Variants in KLF12 observed in about 807,000 individuals in gnomAD.
KLF12 encodes the protein Krueppel-like factor 12.
A neutral mutation model predicts 37.8 loss-of-function variants in KLF12; 9 were observed. The ratio of observed to expected loss-of-function variants is 0.24; its 90% CI spans 0.14 to 0.42. The LOEUF is 0.42. Among genes scored for constraint, KLF12 ranks in the 10% least tolerant of loss-of-function variants. KLF12 has a pLI of 1.00. For synonymous variants in KLF12, 208 were observed against 202.1 expected, an observed-to-expected ratio of 1.03 and a Z score of -0.25; for missense variants, 411 against 516.0, an observed-to-expected ratio of 0.80 and a Z score of 1.97.
intron 5 of KLF12, among the ~76,000 whole-genome samples, chr13:73,803,363 T>C (rs1173092255): frequency 1.3e-5 from 2 of 152,206 alleles, no homozygotes; most frequent in East Asian, 3.8e-4. Context: ...CCTGGAATGC[T>C]CTTCCTTTAG....
At chr13:73,789,017 G>C (rs1881509655) in intron 5 of KLF12, among the ~76,000 whole-genome samples, 1 of 152,150 alleles carries the variant, frequency 6.6e-6, no homozygotes, top group Admixed American at 6.5e-5. Flanking sequence ...TTTTCTGCAA[G>C]TTGTAACAGT....
At chr13:73,867,696 A>G (rs1886248288) in intron 3 of KLF12, among the ~76,000 whole-genome samples, 1 of 152,134 alleles carries the variant, frequency 6.6e-6, no homozygotes, top group Admixed American at 6.5e-5. Flanking sequence ...GTACTTATGA[A>G]CTATTTACCA....
chr13:73,987,842 G>T (rs899557741), intron 2 of KLF12, among the ~76,000 whole-genome samples: 4 of 149,980 alleles, frequency 2.7e-5, no homozygotes, highest in Non-Finnish European at 5.9e-5. Context: ...AAGAGGAAGT[G>T]GGGGAAGAGG....
intron 1 of KLF12, among the ~76,000 whole-genome samples, chr13:74,123,821 T>TG (rs1877779269): frequency 1.3e-5 from 2 of 152,194 alleles, no homozygotes; most frequent in African/African-American, 4.8e-5. Flanking sequence ...AATTATGCAA[T>TG]GGGAAAAAAC....
At chr13:73,978,868 T>G (rs920113401) in intron 2 of KLF12, among the ~76,000 whole-genome samples, 2 of 152,158 alleles carry the variant, frequency 1.3e-5, no homozygotes, top group Non-Finnish European at 2.9e-5. Context: ...TGAAAAGACA[T>G]GAAGGAAACT....
intron 1 of KLF12, among the ~76,000 whole-genome samples, chr13:74,130,637 C>G (rs948211953): frequency 5.1e-5 from 5 of 97,278 alleles, no homozygotes; most frequent in Non-Finnish European, 9.6e-5. Flanking sequence ...CAGAGTGAGA[C>G]CTCAACTCAA....
rs397704620 is a variant in KLF12, at chr13:73,974,320, A to AAAAAAAAAAAAAAT, written c.33+20669_33+20670insATTTTTTTTTTTTT. Among the ~76,000 whole-genome samples the AAAAAAAAAAAAAAT allele has an allele frequency of 9.2e-4, 139 of 151,554 alleles. 4 individuals are homozygous for AAAAAAAAAAAAAAT. The East Asian group carries it at 0.019, about 21-fold the overall frequency. ...CACTGAACTTCAAGACAAAAAAAAA[A>AAAAAAAAAAAAAAT]GAATTCTGCAGGTGTTCAGGCAGAA... On this transcript the variant is annotated intron_variant, in intron 2 of 7. Transcript: ENST00000377669.
chr13:73,836,526 ATATG>A (rs1243700510), intron 4 of KLF12, among the ~76,000 whole-genome samples: 2 of 152,168 alleles, frequency 1.3e-5, no homozygotes, highest in Non-Finnish European at 2.9e-5. Context: ...ATGTTTTCAC[ATATG>A]TATGTATTTC....
chr13:74,188,294 A>T, the KLF12 span, among the ~76,000 whole-genome samples: 1 of 151,528 alleles, frequency 6.6e-6, no homozygotes, highest in African/African-American at 2.4e-5. Context: ...CTAGGTGTTG[A>T]GGATGTACCA....
At chr13:74,243,373 G>T in the KLF12 span, among the ~76,000 whole-genome samples, 1 of 152,090 alleles carries the variant, frequency 6.6e-6, no homozygotes, top group African/African-American at 2.4e-5. Context: ...ATTTGGGTTG[G>T]TTCTAAGTCT....
chr13:73,986,321 CTGCAAAA>C (rs1566494289), intron 2 of KLF12, among the ~76,000 whole-genome samples: 1 of 152,272 alleles, frequency 6.6e-6, no homozygotes, highest in East Asian at 1.9e-4. Flanking sequence ...CTTCATTTAG[CTGCAAAA>C]GTGATTTGAA....
chr13:73,715,393 C>T lies in KLF12; in HGVS notation c.1002G>A (p.Leu334=). The T allele has an allele frequency of 3.1e-6, 5 of 1,613,980 alleles. No homozygotes were observed. The highest frequency in any genetic ancestry group is 4.2e-6 in the Non-Finnish European group (5 of 1,179,928). ...CTGTATGTGTCCTCCGGTGAGCCTT[C>T]AGGTGAGAACTTTTTGTGTACACTT... Residue 334 remains leucine, a synonymous_variant, in exon 7 of 8, where the codon CTG becomes CTA. Coordinates refer to ENST00000377669, the MANE Select transcript of KLF12 (RefSeq NM_007249.5).
chr13:73,726,406 C>G (rs73529539), intron 6 of KLF12, among the ~76,000 whole-genome samples: 23,476 of 152,084 alleles, frequency 0.15, 3,020 homozygotes, highest in African/African-American at 0.35. Flanking sequence ...TTTTCATCAC[C>G]CCAAAAGAAA....
intron 6 of KLF12, among the ~76,000 whole-genome samples, chr13:73,732,771 T>C (rs1405092759): frequency 6.6e-6 from 1 of 152,096 alleles, no homozygotes; most frequent in Non-Finnish European, 1.5e-5. Context: ...CTCCCTTCCC[T>C]GAGCTCCAGA....
chr13:73,703,658 T>C (rs1223134556), intron 7 of KLF12, among the ~76,000 whole-genome samples: 1 of 152,242 alleles, frequency 6.6e-6, no homozygotes, highest in African/African-American at 2.4e-5. Flanking sequence ...TGTACCATAC[T>C]TTGCTCTAAG....
At chr13:73,876,147 T>TAAAATA (rs1433648839) in intron 3 of KLF12, among the ~76,000 whole-genome samples, 1 of 132,132 alleles carries the variant, frequency 7.6e-6, no homozygotes, top group Non-Finnish European at 1.6e-5. Context: ...TATACTCAGC[T>TAAAATA]AAAATAAAAA....
chr13:74,226,565 T>A, the KLF12 span, among the ~76,000 whole-genome samples: 4 of 152,110 alleles, frequency 2.6e-5, no homozygotes, highest in Non-Finnish European at 4.4e-5. Context: ...AACAAATAGA[T>A]CATTATAGAA....
rs1878796835 is a variant in KLF12 at position 73,752,057 on chromosome 13, A to G, written c.869+12881T>C. Among the ~76,000 whole-genome samples, 6 of 152,138 alleles carry G rather than the reference A, an allele frequency of 3.9e-5. No homozygotes were observed. The South Asian group carries it at 1.2e-3, about 32-fold the overall frequency. On this transcript the variant is annotated intron_variant, in intron 6 of 7. Transcript: ENST00000377669. ...CTCTGTTGCCCAGGCTGGAGTGCTC[A>G]CTGCAAACTCTGCCTCCTGGGTTCA... is the stretch of plus-strand genomic sequence containing the variant.
chr13:73,948,431 C>G (rs892651677), intron 2 of KLF12, among the ~76,000 whole-genome samples: 2 of 152,124 alleles, frequency 1.3e-5, no homozygotes, highest in Non-Finnish European at 2.9e-5. Context: ...GTTGGCTAGC[C>G]TGTTCTCGAA....
Sources: gnomAD v4.1 joint callset for allele counts (sites outside exome capture counted in the v4.1 genomes callset) on GRCh38, gnomAD v4.1.1 for gene constraint, MANE v1.5 for transcripts, NCBI Gene and HGNC (gene_info 2026-07-23, HGNC 2026-07-21) for gene names.